The following METTL2B variants were observed in gnomAD, a reference collection of about 807,000 sequenced individuals.
The protein encoded by METTL2B is tRNA N(3)-cytidine methyltransferase METTL2B.
In METTL2B, 28 loss-of-function variants were observed where a neutral mutation model predicts 51.0. That is an observed-to-expected ratio of 0.55 (90% CI 0.41 to 0.75). The LOEUF (loss-of-function observed/expected upper bound fraction) is 0.75, where lower values mean the gene tolerates loss of function less well. Among genes scored for constraint, METTL2B ranks in the 30% least tolerant of loss-of-function variants. METTL2B has a pLI of 0.00. For missense variants in METTL2B, 313 were observed against 460.7 expected (o/e 0.68, Z 2.93); for synonymous variants, 128 against 166.3 (o/e 0.77, Z 1.77).
rs1461531245 is a variant in METTL2B, at chr7:128,502,034, C to G, written c.*118C>G. The G allele has an allele frequency of 6.9e-7, 1 of 1,454,450 alleles. No homozygotes were observed. The highest frequency in any genetic ancestry group is 1.4e-5 in the African/African-American group (1 of 70,592). 90.1% of individuals were successfully genotyped at this position (1,454,450 alleles called of 1,614,324 possible). A position where few individuals can be genotyped will look rare whatever the true frequency, so the allele number is the denominator to read the frequency against. Reference sequence around the variant, plus strand: ...ATCCCAGCCACTCAGGAGGCTGAGGCAGGGAGGATCCATTGAGCCCAGGAG... The same window carrying G: ...ATCCCAGCCACTCAGGAGGCTGAGGGAGGGAGGATCCATTGAGCCCAGGAG... On this transcript the variant is annotated 3_prime_UTR_variant, in exon 9 of 9. Coordinates refer to ENST00000262432, the MANE Select transcript of METTL2B (RefSeq NM_018396.3).
At position 128,494,073 on chromosome 7, in the gene METTL2B, G is replaced by C. The variant is rs554009991; in HGVS notation, c.809+130G>C. On this transcript the variant is annotated intron_variant, in intron 6 of 8. Transcript: ENST00000262432. ...AGTGGCACGATCATGGCTCACTGCAGCCTTAATCTCTTGAGCTTAAATGAT... is the reference window on the plus strand; with the variant it reads ...AGTGGCACGATCATGGCTCACTGCACCCTTAATCTCTTGAGCTTAAATGAT... 42 of 1,205,376 alleles carry C rather than the reference G, an allele frequency of 3.5e-5. No individual in the cohort carries two copies. In the African/African-American group the frequency reaches 3.7e-4, roughly 11 times the overall value. 74.7% of individuals were successfully genotyped at this position (1,205,376 alleles called of 1,614,324 possible). A position where few individuals can be genotyped will look rare whatever the true frequency, so the allele number is the denominator to read the frequency against.
In METTL2B at chr7:128,502,705, C is replaced by A. The variant is rs922484690; in HGVS notation, c.*789C>A. 2.5e-6 allele frequency: 1 copy of A among 406,948 alleles called. No individual in the cohort carries two copies. Among genetic ancestry groups the A allele is most frequent in the Non-Finnish European group, 4.8e-6 (1 of 209,334 alleles). 25.2% of individuals were successfully genotyped at this position (406,948 alleles called of 1,614,324 possible). ...CCTGAGGTCAGGAGTTCGAGACCAG[C>A]GTGGCCAACATGGTGAAACCCCGTC... is the stretch of plus-strand genomic sequence containing the variant. On this transcript the variant is annotated 3_prime_UTR_variant, in exon 9 of 9. Coordinates refer to ENST00000262432, the MANE Select transcript of METTL2B (RefSeq NM_018396.3).
chr7:128,480,034 C>T (rs868565236), intron 3 of METTL2B, among the ~76,000 whole-genome samples: 4 of 152,082 alleles, frequency 2.6e-5, no homozygotes, highest in African/African-American at 4.8e-5. Flanking sequence ...ATGGGGACTG[C>T]GCACGTTACT....
Position 128,476,795 on chromosome 7 carries a change from T to A in METTL2B, c.30T>A (p.Pro10=), listed in dbSNP as rs370330968. MAGSYPEGA[P]AILADKRQQF... is the part of the protein sequence containing the mutation. ...CCGGCTCCTACCCTGAAGGTGCACCTGCAATCCTCGCCGATAAGAGGCAGC... is the reference window on the plus strand; with the variant it reads ...CCGGCTCCTACCCTGAAGGTGCACCAGCAATCCTCGCCGATAAGAGGCAGC... Residue 10 remains proline (P), a synonymous_variant, in exon 1 of 9, where the codon CCT becomes CCA. Transcript: ENST00000262432. 9.0e-5 allele frequency: 146 copies of A among 1,614,150 alleles called. 2 individuals are homozygous for A. The South Asian group carries it at 1.4e-3, about 15-fold the overall frequency.
intron 4 of METTL2B, among the ~76,000 whole-genome samples, chr7:128,484,393 T>A (rs944431240): frequency 1.3e-4 from 20 of 151,212 alleles, no homozygotes; most frequent in Non-Finnish European, 2.5e-4. Context: ...CCTGCTAATT[T>A]TTGTCTTTTT....
intron 5 of METTL2B, chr7:128,488,398 C>A (rs991551930): frequency 2.1e-5 from 14 of 670,384 alleles, no homozygotes; most frequent in Non-Finnish European, 3.3e-5. Flanking sequence ...ATCAAGCAAG[C>A]CTACCAGTGC....
In METTL2B at chr7:128,500,964, A is replaced by C; in HGVS notation, c.978A>C (p.Thr326=). 1 of 1,614,214 alleles carries C rather than the reference A, an allele frequency of 6.2e-7. No homozygotes were observed. Among genetic ancestry groups the C allele is most frequent in the Non-Finnish European group, 8.5e-7 (1 of 1,180,026 alleles). ...ATGGAACCAGAGTTTACTTCTTCAC[A>C]CAAGGTATGAAACACTCATCTTTTT... ...RGDGTRVYFF[T]QEELDTLFTT... The change falls in exon 8 of 9, where the codon ACA becomes ACC. Residue 326 remains threonine (T), a synonymous_variant. Coordinates refer to ENST00000262432, the MANE Select transcript of METTL2B (RefSeq NM_018396.3).
At chr7:128,493,135 A>G (rs1792864937) in intron 5 of METTL2B, among the ~76,000 whole-genome samples, 1 of 151,470 alleles carries the variant, frequency 6.6e-6, no homozygotes, top group South Asian at 2.1e-4. Flanking sequence ...CCTGATCTTT[A>G]CTCTTTGAGT....
chr7:128,487,067 C>G (rs1444143600), intron 4 of METTL2B, among the ~76,000 whole-genome samples: 1 of 152,178 alleles, frequency 6.6e-6, no homozygotes, highest in Non-Finnish European at 1.5e-5. Flanking sequence ...TGGGCACTAG[C>G]CACGTGTGAA....
At chr7:128,499,582 G>A (rs968570806) in intron 7 of METTL2B, among the ~76,000 whole-genome samples, 3 of 131,952 alleles carry the variant, frequency 2.3e-5, no homozygotes, top group Admixed American at 7.9e-5. Context: ...GCAATGGCAC[G>A]ATCTCGGCTC....
chr7:128,495,899 C>T (rs1792915537), intron 6 of METTL2B, among the ~76,000 whole-genome samples: 1 of 152,160 alleles, frequency 6.6e-6, no homozygotes. Flanking sequence ...AAACTATACC[C>T]ATGAAATCAT....
chr7:128,500,659 T>G (rs1195852863), intron 7 of METTL2B, among the ~76,000 whole-genome samples: 1 of 151,920 alleles, frequency 6.6e-6, no homozygotes, highest in African/African-American at 2.4e-5. Context: ...TGCTGTTAGT[T>G]TAATAGGGTT....
intron 7 of METTL2B, among the ~76,000 whole-genome samples, chr7:128,498,449 A>G (rs1355304538): frequency 6.6e-6 from 1 of 151,994 alleles, no homozygotes; most frequent in African/African-American, 2.4e-5. Flanking sequence ...ATATGTATCA[A>G]ACCTGTATGT....
At position 128,501,836 on chromosome 7, in the gene METTL2B, A is replaced by G. The variant is rs768188038; in HGVS notation, c.1057A>G (p.Asn353Asp). The change falls in exon 9 of 9, where the codon AAC (asparagine) becomes GAC (aspartate). Residue 353 changes from asparagine (N) to aspartate (D), a missense_variant. Physicochemically the swap from Asn to Asp is conservative, Grantham distance 23. Coordinates refer to ENST00000262432, the MANE Select transcript of METTL2B (RefSeq NM_018396.3). Reference sequence around the variant, plus strand: ...TCTGGTGGACCGCCGACTGCAGGTGAACCGAGGGAAGCAACTGACAATGTA... The same window carrying G: ...TCTGGTGGACCGCCGACTGCAGGTGGACCGAGGGAAGCAACTGACAATGTA... ...QNLVDRRLQVNRGKQLTMYRV... is the reference protein window; with the variant it reads ...QNLVDRRLQVDRGKQLTMYRV... The G allele has an allele frequency of 3.1e-6, 5 of 1,614,242 alleles. No individual in the cohort carries two copies. In the South Asian group the frequency reaches 5.5e-5, roughly 18 times the overall value.
At position 128,498,021 on chromosome 7, in the gene METTL2B, C is replaced by A. The variant is rs767045979; in HGVS notation, c.810-15C>A. 1 of 1,612,852 alleles carries A rather than the reference C, an allele frequency of 6.2e-7. No homozygotes were observed. The highest frequency in any genetic ancestry group is 1.7e-5 in the Admixed American group (1 of 59,918). On this transcript the variant is annotated splice_polypyrimidine_tract_variant and intron_variant, in intron 6 of 8. Transcript: ENST00000262432. ...AAGGAGACCTGATTAACTATAATTC[C>A]CTGTGTCTCCACAGGATGCAGAAGG...
intron 5 of METTL2B, among the ~76,000 whole-genome samples, chr7:128,490,543 C>T (rs534285825): frequency 6.6e-6 from 1 of 152,110 alleles, no homozygotes; most frequent in African/African-American, 2.4e-5. Context: ...AAAATACAGC[C>T]CCAAGTTCCT....
At chr7:128,489,443 A>T (rs975354235) in intron 5 of METTL2B, among the ~76,000 whole-genome samples, 7 of 151,876 alleles carry the variant, frequency 4.6e-5, no homozygotes, top group African/African-American at 1.4e-4. Flanking sequence ...CTCAAAAAAA[A>T]AAAAGGGAGA....
chr7:128,479,354 TG>T lies in METTL2B; in HGVS notation c.401del (p.Gly134ValfsTer2), dbSNP rs1343365674. 3.1e-6 allele frequency: 5 copies of T among 1,614,076 alleles called. No homozygotes were observed. Among genetic ancestry groups the T allele is most frequent in the Non-Finnish European group, 4.2e-6 (5 of 1,180,050 alleles). ...CECRNNEDGP[G>X]LIMEEQHKCS... Reference sequence around the variant, plus strand: ...AATGTAGAAACAATGAGGATGGACCTGGTTTAATAATGGAAGAACAGCACAA... The same window carrying T: ...AATGTAGAAACAATGAGGATGGACCTGTTTAATAATGGAAGAACAGCACAA... On this transcript the variant is annotated frameshift_variant, in exon 3 of 9. Transcript: ENST00000262432. LOFTEE classifies it high-confidence loss of function.
intron 4 of METTL2B, among the ~76,000 whole-genome samples, chr7:128,482,080 A>G (rs3993573): frequency 7.0e-4 from 104 of 148,910 alleles, no homozygotes; most frequent in African/African-American, 2.5e-3. Flanking sequence ...AGTTCCAATC[A>G]GTTTGCCCTT....
Sources: gnomAD v4.1 joint callset for allele counts (sites outside exome capture counted in the v4.1 genomes callset) on GRCh38, gnomAD v4.1.1 for gene constraint, MANE v1.5 for transcripts, NCBI Gene and HGNC (gene_info 2026-07-23, HGNC 2026-07-21) for gene names.